The following SIPA1L3 variants were observed in gnomAD, a reference collection of about 807,000 sequenced individuals.
SIPA1L3 encodes signal-induced proliferation-associated 1-like protein 3.
In SIPA1L3, 59 loss-of-function variants were observed where a neutral mutation model predicts 150.1. The observed-to-expected ratio is 0.39, with a 90% CI of 0.32 to 0.49. SIPA1L3 has a LOEUF of 0.49. Among genes scored for constraint, SIPA1L3 ranks in the 20% least tolerant of loss-of-function variants. SIPA1L3 has a pLI of 0.86. For missense variants in SIPA1L3, 2,211 were observed against 2,489.5 expected (o/e 0.89, Z 2.38); for synonymous variants, 1,070 against 1,077.6 (o/e 0.99, Z 0.14).
At chr19:37,947,540 C>T (rs1201819565) in intron 1 of SIPA1L3, among the ~76,000 whole-genome samples, 1 of 151,950 alleles carries the variant, frequency 6.6e-6, no homozygotes, top group African/African-American at 2.4e-5. Flanking sequence ...ATGAGTTGTC[C>T]CTATCCTACT....
chr19:37,983,396 C>G (rs1967249597), intron 1 of SIPA1L3, among the ~76,000 whole-genome samples: 1 of 152,124 alleles, frequency 6.6e-6, no homozygotes. Context: ...AGGACCTGCC[C>G]CACGGAGCAG....
intron 8 of SIPA1L3, among the ~76,000 whole-genome samples, chr19:38,111,202 ATTT>A (rs982753101): frequency 6.6e-6 from 1 of 150,610 alleles, no homozygotes; most frequent in African/African-American, 2.4e-5. Context: ...TTAAAAAAAA[ATTT>A]TTTTTTAGTA....
intron 3 of SIPA1L3, among the ~76,000 whole-genome samples, chr19:38,085,932 G>T (rs1970119874): frequency 6.6e-6 from 1 of 151,740 alleles, no homozygotes; most frequent in South Asian, 2.1e-4. Context: ...GAAGGCAGAG[G>T]TTGCAGTGAG....
At chr19:38,014,083 C>CTTG (rs1968171579) in intron 1 of SIPA1L3, among the ~76,000 whole-genome samples, 1 of 152,260 alleles carries the variant, frequency 6.6e-6, no homozygotes, top group Non-Finnish European at 1.5e-5. Context: ...AGGATCCTTA[C>CTTG]TTGTGGTCAG....
At chr19:38,116,646 G>A (rs748970694) in intron 8 of SIPA1L3, among the ~76,000 whole-genome samples, 2 of 150,996 alleles carry the variant, frequency 1.3e-5, no homozygotes, top group African/African-American at 2.4e-5. Flanking sequence ...CCAGGAATTC[G>A]AGACCAGCCT....
At chr19:37,914,954 A>G (rs1237711673) in intron 1 of SIPA1L3, among the ~76,000 whole-genome samples, 1 of 152,208 alleles carries the variant, frequency 6.6e-6, no homozygotes, top group Non-Finnish European at 1.5e-5. Context: ...TTTACAGATG[A>G]GGAAACTGAT....
intron 8 of SIPA1L3, among the ~76,000 whole-genome samples, chr19:38,113,079 G>T (rs1237352285): frequency 6.6e-6 from 1 of 152,068 alleles, no homozygotes; most frequent in Non-Finnish European, 1.5e-5. Context: ...GTGGTGGCAG[G>T]TGCCTGTAAT....
At position 37,959,862 on chromosome 19, in the gene SIPA1L3, G is replaced by A. The variant is rs149668295; in HGVS notation, c.-379+52504G>A. Among the ~76,000 whole-genome samples the A allele has an allele frequency of 2.0e-3, 285 of 145,954 alleles. 2 individuals carry two copies. Among genetic ancestry groups the A allele is most frequent in the Middle Eastern group, 7.1e-3 (2 of 280 alleles). Reference sequence around the variant, plus strand: ...TGGGTCTCTAGGGATCACAGCATGCGTCTAAATTTATCACAGCCTACTTCA... The same window carrying A: ...TGGGTCTCTAGGGATCACAGCATGCATCTAAATTTATCACAGCCTACTTCA... On this transcript the variant is annotated intron_variant, in intron 1 of 21. Transcript: ENST00000222345.
chr19:38,170,812 G>C (rs547264877), intron 15 of SIPA1L3, among the ~76,000 whole-genome samples: 1 of 152,072 alleles, frequency 6.6e-6, no homozygotes, highest in Admixed American at 6.6e-5. Flanking sequence ...GTTCCTGAAC[G>C]AGGGTCACAT....
At chr19:38,171,705 A>T (rs1377773222) in intron 15 of SIPA1L3, among the ~76,000 whole-genome samples, 3 of 152,162 alleles carry the variant, frequency 2.0e-5, no homozygotes, top group Admixed American at 6.5e-5. Context: ...AAATTTTTTT[A>T]AATTAGCTGG....
Position 38,081,477 on chromosome 19 carries a change from G to A in SIPA1L3, c.-89G>A. The A allele has an allele frequency of 7.7e-7, 1 of 1,290,444 alleles. No individual in the cohort carries two copies. Among genetic ancestry groups the A allele is most frequent in the Non-Finnish European group, 1.1e-6 (1 of 941,432 alleles). 79.9% of individuals were successfully genotyped at this position (1,290,444 alleles called of 1,614,324 possible). A position where few individuals can be genotyped will look rare whatever the true frequency, so the allele number is the denominator to read the frequency against. On this transcript the variant is annotated 5_prime_UTR_variant, in exon 3 of 22. Transcript: ENST00000222345. ...CCCAGCATCCTTCATCCTGGGCCTG[G>A]CTGCCCTGAACAATGGCTGAGGGCT...
intron 2 of SIPA1L3, among the ~76,000 whole-genome samples, chr19:38,073,523 A>G (rs1215973620): frequency 6.6e-6 from 1 of 152,048 alleles, no homozygotes; most frequent in African/African-American, 2.4e-5. Flanking sequence ...AGTTTTCCCC[A>G]TATACAGTTC....
chr19:38,132,400 T>A (rs1971332231), intron 10 of SIPA1L3, among the ~76,000 whole-genome samples: 1 of 151,620 alleles, frequency 6.6e-6, no homozygotes, highest in South Asian at 2.1e-4. Flanking sequence ...GCCTGACCAA[T>A]GTGGAGAAAC....
At chr19:38,151,878 G>A (rs1054328473) in intron 12 of SIPA1L3, among the ~76,000 whole-genome samples, 12 of 149,416 alleles carry the variant, frequency 8.0e-5, no homozygotes, top group Non-Finnish European at 1.6e-4. Context: ...TGGGAGGATC[G>A]CTTGAGCCGG....
At chr19:38,032,327 C>T (rs904821300) in intron 2 of SIPA1L3, among the ~76,000 whole-genome samples, 3 of 152,282 alleles carry the variant, frequency 2.0e-5, no homozygotes, top group Middle Eastern at 3.4e-3. Context: ...GCAGGAAGAA[C>T]GGCACTTTTC....
At chr19:38,089,247 G>A (rs1970208226) in intron 4 of SIPA1L3, among the ~76,000 whole-genome samples, 1 of 150,890 alleles carries the variant, frequency 6.6e-6, no homozygotes, top group African/African-American at 2.4e-5. Context: ...GAACCTGAGA[G>A]GCAGAGGCTG....
chr19:38,063,111 C>T (rs1451962942), intron 2 of SIPA1L3, among the ~76,000 whole-genome samples: 1 of 152,226 alleles, frequency 6.6e-6, no homozygotes, highest in Non-Finnish European at 1.5e-5. Context: ...GTGTCATGTG[C>T]TCTGCACAGG....
chr19:37,907,881 G>C (rs1238184826), intron 1 of SIPA1L3: 1 of 152,238 alleles, frequency 6.6e-6, no homozygotes, highest in Non-Finnish European at 1.5e-5. Flanking sequence ...GCTAGCTGCT[G>C]TTAACCGAGA....
chr19:38,138,054 C>T (rs1222073394), intron 10 of SIPA1L3, among the ~76,000 whole-genome samples: 1 of 152,060 alleles, frequency 6.6e-6, no homozygotes, highest in Non-Finnish European at 1.5e-5. Flanking sequence ...TTGCTTGAAC[C>T]CAATAGGCGA....
Sources: gnomAD v4.1 joint callset for allele counts (sites outside exome capture counted in the v4.1 genomes callset) on GRCh38, gnomAD v4.1.1 for gene constraint, MANE v1.5 for transcripts, NCBI Gene and HGNC (gene_info 2026-07-23, HGNC 2026-07-21) for gene names.